Variants in ZNF639 observed in about 807,000 individuals in gnomAD.
The protein encoded by ZNF639 is zinc finger protein 639, also known as zinc finger amplified in esophageal squamous cell carcinomas 1.
In ZNF639, 20 loss-of-function variants were observed where a neutral mutation model predicts 39.8. The observed-to-expected ratio is 0.50, with a 90% CI of 0.35 to 0.73. ZNF639 has a LOEUF of 0.73. Ranked by LOEUF, ZNF639 falls within the 30% of genes least tolerant of loss-of-function variation. The pLI, the probability that ZNF639 is intolerant of heterozygous loss-of-function variation, is 0.00. For missense variants in ZNF639, 477 were observed against 566.2 expected (o/e 0.84, Z 1.60); for synonymous variants, 176 against 189.8 (o/e 0.93, Z 0.60).
At chr3:179,328,224 A>G (rs1305916804) in intron 2 of ZNF639, 59 bp from the exon 3 acceptor site, 2 of 977,816 alleles carry the variant, frequency 2.0e-6, no homozygotes, top group South Asian at 1.5e-5. Flanking sequence ...TAGAATTTTT[A>G]TAACGTCATT....
At position 179,334,157 on chromosome 3, in the gene ZNF639, C is replaced by T; in HGVS notation, c.1193C>T (p.Thr398Ile). ...NVNRHVAIEH[T>I]KIFPHVCDDC... Reference sequence around the variant, plus strand: ...AACAGGCATGTTGCTATTGAACATACAAAAATTTTTCCTCATGTTTGTGAT... The same window carrying T: ...AACAGGCATGTTGCTATTGAACATATAAAAATTTTTCCTCATGTTTGTGAT... The change falls in exon 6 of 6, where the codon ACA becomes ATA. Residue 398 changes from threonine (T) to isoleucine (I), a missense_variant. Physicochemically the swap from Thr to Ile is moderately conservative, Grantham distance 89 (BLOSUM62 -1). Coordinates refer to ENST00000496856, the MANE Select transcript of ZNF639 (RefSeq NM_001303426.2). 1 of 1,614,014 alleles carries T rather than the reference C, an allele frequency of 6.2e-7. No homozygotes were observed. Among genetic ancestry groups the T allele is most frequent in the Non-Finnish European group, 8.5e-7 (1 of 1,179,974 alleles).
Position 179,334,093 on chromosome 3 carries a change from C to G in ZNF639, c.1129C>G (p.Gln377Glu). The G allele has an allele frequency of 6.2e-7, 1 of 1,613,716 alleles. No individual in the cohort carries two copies. The highest frequency in any genetic ancestry group is 8.5e-7 in the Non-Finnish European group (1 of 1,179,822). ...FDKCKNFFVC[Q>E]VCGFRSRLHT... ...CAAATGTAAAAACTTCTTTGTATGT[C>G]AAGTATGTGGTTTTCGGAGTAGACT... is the stretch of plus-strand genomic sequence containing the variant. The change falls in exon 6 of 6, where the codon CAA becomes GAA. Residue 377 changes from glutamine to glutamate, a missense_variant. Transcript: ENST00000496856.
intron 1 of ZNF639, among the ~76,000 whole-genome samples, chr3:179,326,550 T>G (rs767310788): frequency 6.6e-5 from 10 of 152,222 alleles, no homozygotes; most frequent in Admixed American, 1.3e-4. Context: ...AGATAAAGTA[T>G]GTTCACAGCC....
chr3:179,326,044 T>G (rs1310190260), intron 1 of ZNF639, among the ~76,000 whole-genome samples: 1 of 148,078 alleles, frequency 6.8e-6, no homozygotes, highest in Non-Finnish European at 1.5e-5. Context: ...GTTAAGAGCA[T>G]TATAGGCCGG....
intron 3 of ZNF639, 53 bp from the exon 4 acceptor site, chr3:179,329,565 T>TCATTAAATA: frequency 1.0e-6 from 1 of 997,396 alleles, no homozygotes; most frequent in African/African-American, 1.6e-5. Context: ...GGGAAGTTTC[T>TCATTAAATA]CATTAAATAT....
At chr3:179,326,178 A>G (rs1170661444) in intron 1 of ZNF639, among the ~76,000 whole-genome samples, 1 of 152,102 alleles carries the variant, frequency 6.6e-6, no homozygotes. Flanking sequence ...TAAAAATACA[A>G]AAATTAGCTG....
At chr3:179,328,774 ATT>A (rs35129479) in intron 3 of ZNF639, among the ~76,000 whole-genome samples, 17 of 135,482 alleles carry the variant, frequency 1.3e-4, no homozygotes, top group East Asian at 2.1e-4. Flanking sequence ...TGAATGTGTA[ATT>A]TTTTTTTTTT....
At chr3:179,324,684 G>A (rs1402677810) in intron 1 of ZNF639, among the ~76,000 whole-genome samples, 1 of 152,182 alleles carries the variant, frequency 6.6e-6, no homozygotes, top group African/African-American at 2.4e-5. Flanking sequence ...TGATCCGTGT[G>A]CCTCCTCCTC....
rs567891080 is a variant in ZNF639, at chr3:179,328,187, T to C, written c.-11-96T>C. 52 of 670,080 alleles carry C rather than the reference T, an allele frequency of 7.8e-5. No individual in the cohort carries two copies. The South Asian group carries it at 9.8e-4, about 13-fold the overall frequency. The allele number at this position is 670,080 out of a possible 1,614,324, so 41.5% of individuals were successfully genotyped here. ...CATAGATTTTCAGGTGGCTCACATA[T>C]TTCATATTGCCAATAAATTCTTCAG... On this transcript the variant is annotated intron_variant, in intron 2 of 5. Transcript: ENST00000496856.
At chr3:179,325,522 G>C (rs1177026550) in intron 1 of ZNF639, among the ~76,000 whole-genome samples, 1 of 152,134 alleles carries the variant, frequency 6.6e-6, no homozygotes, top group Non-Finnish European at 1.5e-5. Flanking sequence ...AATGTAAATG[G>C]GTTTGATAGT....
At chr3:179,332,662 A>G (rs867853225) in intron 4 of ZNF639, among the ~76,000 whole-genome samples, 17 of 152,266 alleles carry the variant, frequency 1.1e-4, no homozygotes, top group African/African-American at 4.1e-4. Flanking sequence ...ATTAACCTGT[A>G]TTTCAGTTTC....
chr3:179,327,959 C>A (rs1032627913), intron 2 of ZNF639: 1 of 182,050 alleles, frequency 5.5e-6, no homozygotes, highest in Non-Finnish European at 1.1e-5. Context: ...CACAGTGTTT[C>A]TTTTTTTATA....
chr3:179,322,989 C>CCACCTCACCTCGT (rs1405597541), upstream of ZNF639: 6 of 985,088 alleles, frequency 6.1e-6, no homozygotes, highest in Admixed American at 1.8e-4. Context: ...CTCCCTGCCC[C>CCACCTCACCTCGT]CACCTCACCT....
chr3:179,329,927 TTTTGA>T, intron 4 of ZNF639, 199 bp downstream of exon 4: 9 of 305,216 alleles, frequency 2.9e-5, no homozygotes, highest in Non-Finnish European at 1.2e-5. Flanking sequence ...TTTTTTTTTT[TTTTGA>T]GATGGAGTCT....
chr3:179,323,404 A>G (rs1727391456), intron 1 of ZNF639, 113 bp downstream of exon 1: 2 of 983,804 alleles, frequency 2.0e-6, no homozygotes, highest in South Asian at 4.7e-5. Flanking sequence ...CTCCCTTTAT[A>G]CGGAAACTCT....
rs1266496482 is a variant in ZNF639 at position 179,336,963 on chromosome 3, T to C, written c.*2541T>C. The C allele has an allele frequency of 1.3e-5, 2 of 152,214 alleles. No homozygotes were observed. Among genetic ancestry groups the C allele is most frequent in the African/African-American group, 4.8e-5 (2 of 41,454 alleles). 9.4% of individuals were successfully genotyped at this position (152,214 alleles called of 1,614,324 possible). A position where few individuals can be genotyped will look rare whatever the true frequency, so the allele number is the denominator to read the frequency against. On this transcript the variant is annotated 3_prime_UTR_variant, in exon 6 of 6. Transcript: ENST00000496856. ...TTACATTTGGATCAAGTGTTAGTAA[T>C]TGAAAAGATTGCAGGCTGGGCGTGG...
Position 179,337,127 on chromosome 3 carries a change from G to C in ZNF639, c.*2705G>C, listed in dbSNP as rs1292533996. The C allele has an allele frequency of 6.6e-6, 1 of 151,840 alleles. No individual in the cohort carries two copies. Among genetic ancestry groups the C allele is most frequent in the Non-Finnish European group, 1.5e-5 (1 of 68,038 alleles). 9.4% of individuals were successfully genotyped at this position (151,840 alleles called of 1,614,324 possible). On this transcript the variant is annotated 3_prime_UTR_variant, in exon 6 of 6. Transcript: ENST00000496856. ...CAAAAAAAAATTAGCTGGGCGTGGT[G>C]GTGGGCACCTGTAGTCCCAGCTACT...
chr3:179,329,736 T>A lies in ZNF639; in HGVS notation c.169+8T>A. The A allele has an allele frequency of 6.7e-7, 1 of 1,491,548 alleles. No homozygotes were observed. 92.4% of individuals were successfully genotyped at this position (1,491,548 alleles called of 1,614,324 possible). On this transcript the variant is annotated splice_region_variant and intron_variant, in intron 4 of 5. Transcript: ENST00000496856. ...AATATTTTGACAACAAAGGTATATCTAATATTTTCGAAAATATGTTTCTTT... is the reference window on the plus strand; with the variant it reads ...AATATTTTGACAACAAAGGTATATCAAATATTTTCGAAAATATGTTTCTTT...
rs1314176239 is a variant in ZNF639, at chr3:179,338,068, C to CT, written c.*3649dup. 3 of 152,096 alleles carry CT rather than the reference C, an allele frequency of 2.0e-5. No homozygotes were observed. Among genetic ancestry groups the CT allele is most frequent in the Non-Finnish European group, 4.4e-5 (3 of 68,036 alleles). The allele number at this position is 152,096 out of a possible 1,614,324, so 9.4% of individuals were successfully genotyped here. On this transcript the variant is annotated 3_prime_UTR_variant, in exon 6 of 6. Coordinates refer to ENST00000496856, the MANE Select transcript of ZNF639 (RefSeq NM_001303426.2). ...GCCTGAGCCACCACGCCCGGCCAGT[C>CT]TTTATTTTTAACTTAAAGAACTTCA...
Sources: allele counts gnomAD v4.1 joint callset (sites outside exome capture counted in the v4.1 genomes callset), GRCh38; gene constraint gnomAD v4.1.1; transcripts MANE v1.5; gene names NCBI Gene and HGNC (gene_info 2026-07-23, HGNC 2026-07-21).